RHOBTB2: variants seen among roughly 807,000 people sequenced by gnomAD.
RHOBTB2 encodes Rho related BTB domain containing 2.
A neutral mutation model predicts 66.5 loss-of-function variants in RHOBTB2; 39 were observed. The ratio of observed to expected loss-of-function variants is 0.59; its 90% confidence interval spans 0.45 to 0.77. RHOBTB2 has a LOEUF of 0.77. Ranked by LOEUF, RHOBTB2 falls within the 30% of genes least tolerant of loss-of-function variation. RHOBTB2 has a pLI of 0.00. For missense variants in RHOBTB2, 755 were observed against 999.1 expected, an observed-to-expected ratio of 0.76 and a Z score of 3.29; for synonymous variants, 390 against 395.0, an observed-to-expected ratio of 0.99 and a Z score of 0.15.
At chr8:22,982,214 A>G in the RHOBTB2 span, among the ~76,000 whole-genome samples, 32 of 152,248 alleles carry the variant, frequency 2.1e-4, no homozygotes, top group South Asian at 4.1e-4. Context: ...GGCCTGGGCA[A>G]GATGACAGTG....
At chr8:22,996,083 T>C (rs1810548036), upstream of RHOBTB2, among the ~76,000 whole-genome samples, 1 of 152,202 alleles carries the variant, frequency 6.6e-6, no homozygotes, top group Admixed American at 6.5e-5. Flanking sequence ...GAGGTTTCTC[T>C]TTCCCCAGAA....
Position 23,007,835 on chromosome 8 carries a change from C to T in RHOBTB2, c.1501+89C>T, listed in dbSNP as rs1563292707. 9 of 1,522,230 alleles carry T rather than the reference C, an allele frequency of 5.9e-6. No individual in the cohort carries two copies. In the East Asian group the frequency reaches 9.0e-5, roughly 15 times the overall value. The allele number at this position is 1,522,230 out of a possible 1,614,324, so 94.3% of individuals were successfully genotyped here. On this transcript the variant is annotated intron_variant, in intron 5 of 9. Coordinates refer to ENST00000251822, the MANE Select transcript of RHOBTB2 (RefSeq NM_015178.3). The stretch of plus-strand genomic sequence containing the variant: ...CTCAGCTCCTGGTGTCCTGGAGCTG[C>T]GGCTGCCATGCTCTTGAAGCCTGGT...
At chr8:22,964,097 T>C in the RHOBTB2 span, among the ~76,000 whole-genome samples, 1 of 152,000 alleles carries the variant, frequency 6.6e-6, no homozygotes, top group Non-Finnish European at 1.5e-5. Context: ...TTTTTTTGTT[T>C]TTGTTTTTTG....
rs1367183913 is a variant in RHOBTB2, at chr8:23,018,987, A to G, written c.*1518A>G. ...CCCATGGGGCAGCAGCTGGGCCACA[A>G]TTGCCCCTTTCCGTTTTCTAACCCC... On this transcript the variant is annotated 3_prime_UTR_variant, in exon 10 of 10. Coordinates refer to ENST00000251822, the MANE Select transcript of RHOBTB2 (RefSeq NM_015178.3). The G allele has an allele frequency of 6.6e-6, 1 of 152,346 alleles. No homozygotes were observed. Among genetic ancestry groups the G allele is most frequent in the East Asian group, 1.9e-4 (1 of 5,186 alleles). 9.4% of individuals were successfully genotyped at this position (152,346 alleles called of 1,614,324 possible). A position where few individuals can be genotyped will look rare whatever the true frequency, so the allele number is the denominator to read the frequency against.
At chr8:22,961,644 T>C in the RHOBTB2 span, among the ~76,000 whole-genome samples, 1 of 152,038 alleles carries the variant, frequency 6.6e-6, no homozygotes, top group African/African-American at 2.4e-5. Flanking sequence ...AAAAGGTGGG[T>C]GGGGAGGGGA....
At chr8:22,954,270 C>A in the RHOBTB2 span, among the ~76,000 whole-genome samples, 3 of 152,300 alleles carry the variant, frequency 2.0e-5, no homozygotes, top group East Asian at 5.8e-4. Flanking sequence ...TCTTCCACAG[C>A]AGGAAAGGGA....
At chr8:22,988,153 C>CTTT (rs34922844) in intron 1 of RHOBTB2, among the ~76,000 whole-genome samples, 24 of 78,122 alleles carry the variant, frequency 3.1e-4, no homozygotes, top group Non-Finnish European at 3.8e-4. Flanking sequence ...GCTCCTTCCC[C>CTTT]TTTTTTTTTT....
In RHOBTB2 at chr8:23,007,665, A is replaced by C; in HGVS notation, c.1420A>C (p.Met474Leu). ...CAACATTCTCAACAATGAGGCCTTC[A>C]TGAACCAGGAGATCACCAAGGCCTT... ...VANILNNEAF[M>L]NQEITKAFHV... The change falls in exon 5 of 10, where the codon ATG (methionine) becomes CTG (leucine). Residue 474 changes from methionine to leucine, a missense_variant. Met to Leu is a conservative substitution (Grantham distance 15). Coordinates refer to ENST00000251822, the MANE Select transcript of RHOBTB2 (RefSeq NM_015178.3). 1 of 1,614,198 alleles carries C rather than the reference A, an allele frequency of 6.2e-7. No homozygotes were observed. Among genetic ancestry groups the C allele is most frequent in the Non-Finnish European group, 8.5e-7 (1 of 1,180,034 alleles).
the RHOBTB2 span, among the ~76,000 whole-genome samples, chr8:22,961,952 G>GA: frequency 2.8e-4 from 42 of 151,160 alleles, no homozygotes; most frequent in East Asian, 4.1e-3. Flanking sequence ...TGATACATTT[G>GA]AAAAAAAATA....
chr8:22,954,354 T>G, the RHOBTB2 span, among the ~76,000 whole-genome samples: 1 of 152,244 alleles, frequency 6.6e-6, no homozygotes, highest in Non-Finnish European at 1.5e-5. Context: ...TTTTTGTTTT[T>G]TAACGTATGT....
At chr8:22,960,764 A>G in the RHOBTB2 span, among the ~76,000 whole-genome samples, 2 of 152,210 alleles carry the variant, frequency 1.3e-5, no homozygotes, top group African/African-American at 4.8e-5. Flanking sequence ...GTTACACATG[A>G]ATTAGTATGT....
Position 23,007,944 on chromosome 8 carries a change from T to C in RHOBTB2, c.1502-49T>C, listed in dbSNP as rs1463026451. On this transcript the variant is annotated intron_variant, in intron 5 of 9. Coordinates refer to ENST00000251822, the MANE Select transcript of RHOBTB2 (RefSeq NM_015178.3). The stretch of plus-strand genomic sequence containing the variant: ...GCTCCGTGGCTCCCCTTGGGGCTTG[T>C]TCTCCCAGCTTCTTTCACCAGTCCT... 23 of 1,572,474 alleles carry C rather than the reference T, an allele frequency of 1.5e-5. No individual in the cohort carries two copies. In the East Asian group the frequency reaches 5.2e-4, roughly 35 times the overall value.
At chr8:23,001,028 A>C (rs984109099) in intron 1 of RHOBTB2, among the ~76,000 whole-genome samples, 8 of 151,996 alleles carry the variant, frequency 5.3e-5, no homozygotes, top group Non-Finnish European at 1.2e-4. Flanking sequence ...GGAGAGCACG[A>C]GGTTTGTAGC....
upstream of RHOBTB2, among the ~76,000 whole-genome samples, chr8:22,987,127 T>C (rs1202088274): frequency 6.6e-6 from 1 of 152,236 alleles, no homozygotes; most frequent in African/African-American, 2.4e-5. Context: ...TGAGTGAAAT[T>C]CCAAAGCAGT....
chr8:23,006,639 TC>T lies in RHOBTB2; in HGVS notation c.483-87del. On this transcript the variant is annotated intron_variant, in intron 4 of 9. Transcript: ENST00000251822. The surrounding 1 kb of genome is among the most constrained non-coding windows in gnomAD (Gnocchi z 6.1). ...GAGTGGGTGGGGATTGGCACCCAGATCCTGAGCAGAGTCCCTCCAGCCTGTG... is the reference window on the plus strand; with the variant it reads ...GAGTGGGTGGGGATTGGCACCCAGATCTGAGCAGAGTCCCTCCAGCCTGTG... The T allele has an allele frequency of 7.5e-7, 1 of 1,327,712 alleles. No homozygotes were observed. Among genetic ancestry groups the T allele is most frequent in the Non-Finnish European group, 1.1e-6 (1 of 951,424 alleles). 82.2% of individuals were successfully genotyped at this position (1,327,712 alleles called of 1,614,324 possible).
At chr8:22,955,130 C>CA in the RHOBTB2 span, among the ~76,000 whole-genome samples, 4 of 150,960 alleles carry the variant, frequency 2.6e-5, no homozygotes, top group African/African-American at 2.4e-5. Context: ...GACTCTGTCT[C>CA]AAAAAAAAGA....
At chr8:22,984,622 T>C (rs866357439), upstream of RHOBTB2, 2 of 152,168 alleles carry the variant, frequency 1.3e-5, no homozygotes, top group African/African-American at 4.8e-5. Context: ...TATTGTCTTT[T>C]TAAAGGTGTT....
upstream of RHOBTB2, among the ~76,000 whole-genome samples, chr8:22,995,104 A>AAT (rs1563285409): frequency 1.2e-3 from 180 of 152,050 alleles, 2 homozygotes; most frequent in African/African-American, 4.1e-3. Context: ...TTTTTTAAAA[A>AAT]TTTTTTTTAA....
intron 9 of RHOBTB2, 65 bp downstream of exon 9, chr8:23,015,808 G>A: frequency 7.0e-6 from 8 of 1,143,676 alleles, no homozygotes; most frequent in Non-Finnish European, 1.0e-5. Context: ...CAGCTCCCAT[G>A]TAATCCCAGG....
Sources: gnomAD v4.1 joint callset for allele counts (sites outside exome capture counted in the v4.1 genomes callset) on GRCh38, gnomAD v4.1.1 for gene constraint, Gnocchi (gnomAD v3.1) non-coding constraint, MANE v1.5 for transcripts, NCBI Gene and HGNC (gene_info 2026-07-23, HGNC 2026-07-21) for gene names.